SUMF1: variants seen among roughly 807,000 people sequenced by gnomAD.
SUMF1 encodes sulfatase modifying factor 1.
A neutral mutation model predicts 47.6 loss-of-function variants in SUMF1; 48 were observed. That is an observed-to-expected ratio of 1.01 (90% confidence interval 0.80 to 1.28). The LOEUF (loss-of-function observed/expected upper bound fraction) is 1.28, where lower values mean the gene tolerates loss of function less well. Ranked by LOEUF, SUMF1 falls within the 50% of genes most tolerant of loss-of-function variation. The pLI, the probability that SUMF1 is intolerant of heterozygous loss-of-function variation, is 0.00. For missense variants in SUMF1, 571 were observed against 485.4 expected, an observed-to-expected ratio of 1.18 and a Z score of -1.66; for synonymous variants, 230 against 192.1, an observed-to-expected ratio of 1.20 and a Z score of -1.63.
At chr3:4,121,830 T>G (rs966744600) in intron 8 of SUMF1, among the ~76,000 whole-genome samples, 2 of 152,224 alleles carry the variant, frequency 1.3e-5, no homozygotes, top group Admixed American at 6.5e-5. Flanking sequence ...TTAAGCCTAA[T>G]GCCCATTAGT....
intron 8 of SUMF1, among the ~76,000 whole-genome samples, chr3:4,114,218 G>C (rs2125072349): frequency 6.6e-6 from 1 of 152,224 alleles, no homozygotes; most frequent in Non-Finnish European, 1.5e-5. Context: ...AATTACAATG[G>C]GGAAGGACAT....
chr3:4,037,238 T>C (rs1175390712), intron 9 of SUMF1, among the ~76,000 whole-genome samples: 3 of 152,280 alleles, frequency 2.0e-5, no homozygotes, highest in Non-Finnish European at 2.9e-5. Context: ...AAAGATAAAA[T>C]TGAAACTAAG....
At position 4,467,230 on chromosome 3, in the gene SUMF1, G is replaced by C. The variant is rs774160105; in HGVS notation, c.16C>G (p.Leu6Val). The C allele has an allele frequency of 8.7e-6, 14 of 1,610,412 alleles. No individual in the cohort carries two copies. In the Admixed American group the frequency reaches 1.5e-4, roughly 17 times the overall value. MAAPA[L>V]GLVCGRCPEL... ...GGGCAACGTCCACACACCAGCCCTA[G>C]TGCGGGCGCAGCCATGTTGTCCCGC... The change falls in exon 1 of 9, where the codon CTA becomes GTA. Residue 6 changes from leucine to valine, a missense_variant. By Grantham distance (32) the Leu-to-Val change is conservative. Coordinates refer to ENST00000272902, the MANE Select transcript of SUMF1 (RefSeq NM_182760.4).
chr3:4,192,208 AGT>A (rs1281985935), intron 8 of SUMF1, among the ~76,000 whole-genome samples: 1 of 152,078 alleles, frequency 6.6e-6, no homozygotes, highest in Non-Finnish European at 1.5e-5. Flanking sequence ...GTTCATGACC[AGT>A]GTTATAGGAG....
At chr3:4,153,725 T>C (rs1210515126) in intron 8 of SUMF1, among the ~76,000 whole-genome samples, 1 of 151,606 alleles carries the variant, frequency 6.6e-6, no homozygotes, top group East Asian at 1.9e-4. Context: ...TTCACCTCCT[T>C]TGTATAGTTA....
At chr3:4,344,175 C>G (rs190154831) in intron 8 of SUMF1, among the ~76,000 whole-genome samples, 3 of 152,168 alleles carry the variant, frequency 2.0e-5, no homozygotes, top group Non-Finnish European at 4.4e-5. Context: ...TCCAGGTTCT[C>G]TCATCAAAAT....
intron 8 of SUMF1, among the ~76,000 whole-genome samples, chr3:4,364,995 T>C (rs1308644871): frequency 6.6e-6 from 1 of 151,924 alleles, no homozygotes; most frequent in African/African-American, 2.4e-5. Context: ...CAGTAGTCAT[T>C]TTTGTTCAGT....
At chr3:4,379,513 A>T (rs1700432613) in intron 7 of SUMF1, among the ~76,000 whole-genome samples, 1 of 152,202 alleles carries the variant, frequency 6.6e-6, no homozygotes, top group Non-Finnish European at 1.5e-5. Context: ...CAGCACCTTG[A>T]TTTCAGACTG....
chr3:4,240,146 G>A (rs1385186265), intron 8 of SUMF1, among the ~76,000 whole-genome samples: 1 of 152,096 alleles, frequency 6.6e-6, no homozygotes, highest in Non-Finnish European at 1.5e-5. Context: ...TAAACTTTTT[G>A]ATGTGCTGCT....
intron 8 of SUMF1, among the ~76,000 whole-genome samples, chr3:4,223,714 T>A (rs898391777): frequency 1.3e-5 from 2 of 152,068 alleles, no homozygotes; most frequent in African/African-American, 4.8e-5. Flanking sequence ...GTCAAAAGTC[T>A]CCCTCTCTCC....
chr3:4,183,036 C>T lies in SUMF1; in HGVS notation c.1015-114291G>A, dbSNP rs186907030. On this transcript the variant is annotated intron_variant and NMD_transcript_variant, in intron 8 of 12. Transcript: ENST00000448413. ...TGTGTGACCATATACTTTCTGCTAT[C>T]GGCCAACTGGGAATAAGAAAGTTTA... 2.3e-3 allele frequency among the ~76,000 whole-genome samples: 352 copies of T among 152,190 alleles called. 1 individual carries two copies. Among genetic ancestry groups the T allele is most frequent in the African/African-American group, 7.9e-3 (328 of 41,520 alleles).
intron 7 of SUMF1, among the ~76,000 whole-genome samples, chr3:4,399,542 C>A (rs905572713): frequency 6.6e-6 from 1 of 152,076 alleles, no homozygotes; most frequent in Non-Finnish European, 1.5e-5. Context: ...TGAGACAGAG[C>A]CCTATCTGAA....
intron 4 of SUMF1, among the ~76,000 whole-genome samples, chr3:4,418,688 G>T (rs1701797483): frequency 6.6e-6 from 1 of 152,300 alleles, no homozygotes; most frequent in Non-Finnish European, 1.5e-5. Context: ...ACAGGTGTGG[G>T]GCCCTAACAT....
intron 1 of SUMF1, among the ~76,000 whole-genome samples, chr3:4,456,160 T>C (rs1217271867): frequency 2.0e-5 from 3 of 152,214 alleles, no homozygotes; most frequent in South Asian, 4.1e-4. Flanking sequence ...ATTGATAAAA[T>C]TCAACATCTT....
intron 3 of SUMF1, among the ~76,000 whole-genome samples, chr3:4,442,628 A>G (rs1349621735): frequency 3.2e-5 from 1 of 31,516 alleles, no homozygotes; most frequent in Non-Finnish European, 2.2e-4. Context: ...GAGGGACAAG[A>G]GAGAAAAAGG....
intron 8 of SUMF1, among the ~76,000 whole-genome samples, chr3:4,151,696 T>C (rs1472457825): frequency 2.4e-5 from 3 of 126,910 alleles, no homozygotes; most frequent in Non-Finnish European, 5.1e-5. Flanking sequence ...TAATAGCTGA[T>C]GAGCTAAAAA....
At chr3:4,310,169 A>G (rs539459323) in intron 8 of SUMF1, among the ~76,000 whole-genome samples, 1 of 152,344 alleles carries the variant, frequency 6.6e-6, no homozygotes, top group Non-Finnish European at 1.5e-5. Flanking sequence ...TGGTCTGACC[A>G]AAAAGTCATT....
chr3:4,357,737 A>C (rs1043727952), downstream of SUMF1, among the ~76,000 whole-genome samples: 11 of 151,804 alleles, frequency 7.2e-5, no homozygotes, highest in African/African-American at 2.4e-4. Flanking sequence ...GCCTCCAAGT[A>C]GCTGGGATTA....
intron 8 of SUMF1, among the ~76,000 whole-genome samples, chr3:4,090,093 C>T (rs1692752066): frequency 6.6e-6 from 1 of 152,142 alleles, no homozygotes. Flanking sequence ...AGCACAGTGC[C>T]TGGCCATAGC....
Sources: allele counts gnomAD v4.1 joint callset (sites outside exome capture counted in the v4.1 genomes callset), GRCh38; gene constraint gnomAD v4.1.1; transcripts MANE v1.5; gene names NCBI Gene and HGNC (gene_info 2026-07-23, HGNC 2026-07-21).